ZNF17: variants seen among roughly 807,000 people sequenced by gnomAD.
ZNF17 encodes zinc finger protein 17.
In ZNF17, 4 loss-of-function variants were observed where a neutral mutation model predicts 7.7. The ratio of observed to expected loss-of-function variants is 0.52; its 90% CI spans 0.26 to 1.20. The LOEUF (loss-of-function observed/expected upper bound fraction) is 1.20. ZNF17 is among the 50% of genes most tolerant of loss of function. The probability of loss-of-function intolerance (pLI) is 0.14; values close to 1 mark genes in which losing one functional copy is unlikely to be tolerated. For missense variants in ZNF17, 738 were observed against 799.5 expected, an observed-to-expected ratio of 0.92 and a Z score of 0.93; for synonymous variants, 249 against 258.8, an observed-to-expected ratio of 0.96 and a Z score of 0.36.
intron 3 of ZNF17, 39 bp downstream of exon 3, chr19:57,418,077 C>G: frequency 6.3e-7 from 1 of 1,585,498 alleles, no homozygotes; most frequent in Non-Finnish European, 8.6e-7. Context: ...TTGTGCTGGG[C>G]AATGTTTTTT....
At chr19:57,417,099 A>AT (rs914132189) in intron 2 of ZNF17, among the ~76,000 whole-genome samples, 17 of 151,008 alleles carry the variant, frequency 1.1e-4, no homozygotes, top group African/African-American at 2.7e-4. Flanking sequence ...CATTGAAATA[A>AT]TTTTTTTTTT....
chr19:57,417,903 T>C lies in ZNF17; in HGVS notation c.22-9T>C. On this transcript the variant is annotated splice_polypyrimidine_tract_variant and intron_variant, in intron 2 of 3. Transcript: ENST00000307658. The stretch of plus-strand genomic sequence containing the variant: ...TTGCTCACAGACTAAACTGTTATAA[T>C]TTTGGCAGGATTATATGGTTTTTGA... 1 of 1,612,694 alleles carries C rather than the reference T, an allele frequency of 6.2e-7. No individual in the cohort carries two copies. Among genetic ancestry groups the C allele is most frequent in the Middle Eastern group, 1.7e-4 (1 of 6,058 alleles).
intron 1 of ZNF17, among the ~76,000 whole-genome samples, chr19:57,412,602 G>A (rs561175125): frequency 1.3e-4 from 19 of 151,782 alleles, no homozygotes; most frequent in African/African-American, 3.9e-4. Flanking sequence ...CCGCCACCAC[G>A]CCAGGCTAAT....
chr19:57,420,540 A>T lies in ZNF17; in HGVS notation c.1054A>T (p.Lys352Ter), dbSNP rs2088842672. 1.2e-6 allele frequency: 2 copies of T among 1,614,076 alleles called. No homozygotes were observed. Among genetic ancestry groups the T allele is most frequent in the African/African-American group, 1.3e-5 (1 of 74,950 alleles). The change falls in exon 4 of 4, where the codon AAA becomes TAA. Residue 352 changes from lysine (K) to a stop codon, truncating the protein, a stop_gained. Transcript: ENST00000307658. LOFTEE classifies it low-confidence loss of function (END_TRUNC). Reference protein sequence around the residue: ...MYSSALIRHQKVHTGERPFYC... With the variant: ...MYSSALIRHQ ...CAGTTCAGCACTCATTAGACATCAG[A>T]AAGTTCACACTGGAGAAAGGCCTTT...
chr19:57,413,741 C>G (rs59942542), intron 2 of ZNF17, 105 bp downstream of exon 2: 16 of 1,394,372 alleles, frequency 1.1e-5, no homozygotes, highest in Non-Finnish European at 1.6e-5. Context: ...TTCTCTCTCC[C>G]TTGGGTCCAA....
At chr19:57,411,510 C>A in intron 1 of ZNF17, 104 bp downstream of exon 1, 1 of 1,509,256 alleles carries the variant, frequency 6.6e-7, no homozygotes, top group Non-Finnish European at 8.8e-7. Context: ...AAGAGAGGAG[C>A]GTTCTTGTGT....
intron 1 of ZNF17, among the ~76,000 whole-genome samples, chr19:57,412,166 TGGCCTA>T (rs1264704967): frequency 6.6e-6 from 1 of 152,178 alleles, no homozygotes; most frequent in Non-Finnish European, 1.5e-5. Context: ...GTTAAGGAAC[TGGCCTA>T]GGCTGGAGAC....
chr19:57,419,841 C>T lies in ZNF17; in HGVS notation c.355C>T (p.Gln119Ter). The change falls in exon 4 of 4, where the codon CAA (glutamine) becomes TAA (stop). Residue 119 changes from glutamine (Q) to a stop codon, truncating the protein, a stop_gained. Transcript: ENST00000307658. LOFTEE classifies it low-confidence loss of function (END_TRUNC). ...PKRTAKLYLH[Q>*]KEHLREKLTR... ...GCGTACAGCCAAGCTTTACCTGCAC[C>T]AAAAGGAGCATCTTAGAGAGAAGCT... is the stretch of plus-strand genomic sequence containing the variant. The T allele has an allele frequency of 1.9e-6, 3 of 1,614,184 alleles. No individual in the cohort carries two copies. The highest frequency in any genetic ancestry group is 2.5e-6 in the Non-Finnish European group (3 of 1,180,036).
At chr19:57,418,149 T>C in intron 3 of ZNF17, 111 bp downstream of exon 3, 1 of 1,385,024 alleles carries the variant, frequency 7.2e-7, no homozygotes, top group Non-Finnish European at 9.9e-7. Context: ...CTCTCCTGGT[T>C]TCCTGGCATA....
intron 2 of ZNF17, among the ~76,000 whole-genome samples, chr19:57,416,362 G>A (rs2088811312): frequency 6.6e-6 from 1 of 152,086 alleles, no homozygotes; most frequent in South Asian, 2.1e-4. Flanking sequence ...GAGTGGAGGA[G>A]CATGAATAGA....
rs759450718 is a variant in ZNF17, at chr19:57,420,755, GTTCT to G, written c.1272_1275del (p.Phe424LeufsTer35). On this transcript the variant is annotated frameshift_variant, in exon 4 of 4. Coordinates refer to ENST00000307658, the MANE Select transcript of ZNF17 (RefSeq NM_001330617.2). LOFTEE classifies it low-confidence loss of function (END_TRUNC). ...CTTATGAGTGTAGTGAATGTGGGAA[GTTCT>G]TTATGGACACTTCCACACTCATTAT... 3 of 1,612,458 alleles carry G rather than the reference GTTCT, an allele frequency of 1.9e-6. No individual in the cohort carries two copies. The highest frequency in any genetic ancestry group is 2.5e-6 in the Non-Finnish European group (3 of 1,179,494).
chr19:57,419,383 A>G, intron 3 of ZNF17: 1 of 390,262 alleles, frequency 2.6e-6, no homozygotes, highest in Non-Finnish European at 4.7e-6. Context: ...ACTGAGGAGT[A>G]ACTTGGGGAC....
rs930588409 is a variant in ZNF17, at chr19:57,421,639, A to G, written c.*158A>G. On this transcript the variant is annotated 3_prime_UTR_variant, in exon 4 of 4. Transcript: ENST00000307658. ...TTAAAGTGTATAGTTCAGTACTGTT[A>G]AGTCATTCACATTGTGCAATGAATA... 50 of 762,042 alleles carry G rather than the reference A, an allele frequency of 6.6e-5. No homozygotes were observed. The highest frequency in any genetic ancestry group is 8.8e-5 in the Non-Finnish European group (44 of 502,434). The allele number at this position is 762,042 out of a possible 1,614,324, so 47.2% of individuals were successfully genotyped here.
intron 3 of ZNF17, among the ~76,000 whole-genome samples, chr19:57,418,296 T>G (rs1185152434): frequency 6.6e-6 from 1 of 152,184 alleles, no homozygotes; most frequent in African/African-American, 2.4e-5. Context: ...CTAATGACCT[T>G]GCCTGTCCCT....
intron 1 of ZNF17, 157 bp downstream of exon 1, chr19:57,411,563 G>T: frequency 7.0e-7 from 1 of 1,436,426 alleles, no homozygotes; most frequent in African/African-American, 1.4e-5. Flanking sequence ...GGGAGCTCCT[G>T]TCAGGGACCT....
At position 57,421,490 on chromosome 19, in the gene ZNF17, T is replaced by C. The variant is rs1407179274; in HGVS notation, c.*9T>C. On this transcript the variant is annotated 3_prime_UTR_variant, in exon 4 of 4. Transcript: ENST00000307658. ...AAGTTCACACCAGATAAAGAATGTATATATAAAGCAGATGGGGAAAGACTT... is the reference window on the plus strand; with the variant it reads ...AAGTTCACACCAGATAAAGAATGTACATATAAAGCAGATGGGGAAAGACTT... The C allele has an allele frequency of 6.4e-7, 1 of 1,573,746 alleles. No homozygotes were observed. Among genetic ancestry groups the C allele is most frequent in the African/African-American group, 1.4e-5 (1 of 73,408 alleles).
chr19:57,413,122 C>T lies in ZNF17; in HGVS notation c.-20-474C>T, dbSNP rs575207686. Reference sequence around the variant, plus strand: ...TTGATCTCTGCACCTCGTGATCCGCCCACCTCGGCCTCCCAAAGTGCTGGG... The same window carrying T: ...TTGATCTCTGCACCTCGTGATCCGCTCACCTCGGCCTCCCAAAGTGCTGGG... On this transcript the variant is annotated intron_variant, in intron 1 of 3. Transcript: ENST00000307658. Among the ~76,000 whole-genome samples, 21 of 150,112 alleles carry T rather than the reference C, an allele frequency of 1.4e-4. No homozygotes were observed. In the South Asian group the frequency reaches 4.4e-3, roughly 32 times the overall value.
rs535978744 is a variant in ZNF17 at position 57,411,184 on chromosome 19, T to C, written c.-243T>C. On this transcript the variant is annotated 5_prime_UTR_variant, in exon 1 of 4. Coordinates refer to ENST00000307658, the MANE Select transcript of ZNF17 (RefSeq NM_001330617.2). ...CTGCAACGCCTCCTGGGGTTGTCAATATGGCTGCGTTGGGATCTGTTCACC... is the reference window on the plus strand; with the variant it reads ...CTGCAACGCCTCCTGGGGTTGTCAACATGGCTGCGTTGGGATCTGTTCACC... 1.6e-6 allele frequency: 1 copy of C among 637,032 alleles called. No homozygotes were observed. Among genetic ancestry groups the C allele is most frequent in the East Asian group, 3.0e-5 (1 of 33,292 alleles). 39.5% of individuals were successfully genotyped at this position (637,032 alleles called of 1,614,324 possible).
rs746883343 is a variant in ZNF17, at chr19:57,420,656, C to T, written c.1170C>T (p.Cys390=). 5.0e-6 allele frequency: 8 copies of T among 1,613,224 alleles called. No homozygotes were observed. The South Asian group carries it at 6.6e-5, about 13-fold the overall frequency. ...ATACTGGAGAAAAACCTTATGAATG[C>T]AACGAATGTGGGAAATTCTTTAGAT... The part of the protein sequence containing the change: ...RVHTGEKPYE[C]NECGKFFRYR... Residue 390 remains cysteine (C), a synonymous_variant, in exon 4 of 4, where the codon TGC becomes TGT. Coordinates refer to ENST00000307658, the MANE Select transcript of ZNF17 (RefSeq NM_001330617.2).
Sources: gnomAD v4.1 joint callset for allele counts (sites outside exome capture counted in the v4.1 genomes callset) on GRCh38, gnomAD v4.1.1 for gene constraint, MANE v1.5 for transcripts, NCBI Gene and HGNC (gene_info 2026-07-23, HGNC 2026-07-21) for gene names.